The following DNAL1 variants were observed in gnomAD, a reference collection of about 807,000 sequenced individuals.
DNAL1 encodes the protein dynein axonemal light chain 1.
A neutral mutation model predicts 29.4 loss-of-function variants in DNAL1; 17 were observed. The ratio of observed to expected loss-of-function variants is 0.58; its 90% CI spans 0.40 to 0.87. The LOEUF is 0.87. Among genes scored for constraint, DNAL1 ranks in the 40% least tolerant of loss-of-function variants. DNAL1 has a pLI of 0.00. For missense variants in DNAL1, 188 were observed against 214.1 expected (o/e 0.88, Z 0.76); for synonymous variants, 78 against 76.3 (o/e 1.02, Z -0.12).
chr14:73,689,197 C>T (rs562098057), intron 6 of DNAL1, among the ~76,000 whole-genome samples, 178 bp from the exon 7 acceptor site: 4 of 152,062 alleles, frequency 2.6e-5, no homozygotes, highest in African/African-American at 9.6e-5. Context: ...CTATGCCTGG[C>T]TTATTTTTGT....
At chr14:73,654,759 AAAAT>A (rs1255399035) in intron 1 of DNAL1, 84 bp from the exon 2 acceptor site, 4 of 1,275,566 alleles carry the variant, frequency 3.1e-6, no homozygotes, top group Non-Finnish European at 4.2e-6. Context: ...ATTCTGTCTC[AAAAT>A]AAATACATAC....
rs1264864727 is a variant in DNAL1 at position 73,696,735 on chromosome 14, C to A, written c.*793C>A. Reference sequence around the variant, plus strand: ...AGCACACATTTTGGTTTTATAGTTCCTTATGTGTTTAAAGCATTAGTTATA... The same window carrying A: ...AGCACACATTTTGGTTTTATAGTTCATTATGTGTTTAAAGCATTAGTTATA... On this transcript the variant is annotated 3_prime_UTR_variant, in exon 8 of 8. Coordinates refer to ENST00000553645, the MANE Select transcript of DNAL1 (RefSeq NM_031427.4). 2 of 152,090 alleles carry A rather than the reference C, an allele frequency of 1.3e-5. No individual in the cohort carries two copies. Among genetic ancestry groups the A allele is most frequent in the Non-Finnish European group, 2.9e-5 (2 of 68,014 alleles). 9.4% of individuals were successfully genotyped at this position (152,090 alleles called of 1,614,324 possible).
chr14:73,690,058 A>G (rs1026879462), intron 7 of DNAL1, among the ~76,000 whole-genome samples: 1 of 151,362 alleles, frequency 6.6e-6, no homozygotes, highest in Non-Finnish European at 1.5e-5. Flanking sequence ...AAAAGAAAAG[A>G]AAAGAAAGCT....
At chr14:73,665,585 G>C (rs1250972701) in intron 4 of DNAL1, among the ~76,000 whole-genome samples, 1 of 152,146 alleles carries the variant, frequency 6.6e-6, no homozygotes, top group East Asian at 1.9e-4. Context: ...GAGGTCAGGA[G>C]TTTGAGATCA....
chr14:73,646,080 C>G (rs538739225), intron 1 of DNAL1, among the ~76,000 whole-genome samples: 1 of 152,308 alleles, frequency 6.6e-6, no homozygotes, highest in Admixed American at 6.5e-5. Flanking sequence ...TAGTTTCCCC[C>G]CTGCTTTCCT....
chr14:73,680,001 TTC>T (rs1891838855), intron 5 of DNAL1, among the ~76,000 whole-genome samples: 1 of 152,078 alleles, frequency 6.6e-6, no homozygotes, highest in Non-Finnish European at 1.5e-5. Context: ...GTCAGTTTCT[TTC>T]TGTTTGTTGT....
At chr14:73,681,633 A>AAAAAAATATATATAT (rs1555402645) in intron 5 of DNAL1, among the ~76,000 whole-genome samples, 2 of 35,424 alleles carry the variant, frequency 5.6e-5, no homozygotes, top group African/African-American at 4.3e-4. Context: ...AAAAAAAAAA[A>AAAAAAATATATATAT]ATATATATAT....
intron 6 of DNAL1, among the ~76,000 whole-genome samples, chr14:73,688,049 A>T (rs1253735903): frequency 1.3e-5 from 2 of 152,200 alleles, no homozygotes; most frequent in Non-Finnish European, 1.5e-5. Context: ...ACGTAATCTG[A>T]TAGGTCCTGG....
chr14:73,649,472 T>TG (rs1422363127), intron 1 of DNAL1, among the ~76,000 whole-genome samples: 1 of 147,694 alleles, frequency 6.8e-6, no homozygotes, highest in Non-Finnish European at 1.5e-5. Flanking sequence ...TTAGTAGAGA[T>TG]GGGGTTTCAC....
chr14:73,684,908 A>G (rs1891977676), intron 5 of DNAL1, among the ~76,000 whole-genome samples: 2 of 147,994 alleles, frequency 1.4e-5, no homozygotes, highest in Admixed American at 1.4e-4. Context: ...CTAAAAAACA[A>G]ACTAAAAAAA....
chr14:73,664,264 CAAT>C (rs1295092634), intron 4 of DNAL1, among the ~76,000 whole-genome samples: 2 of 152,166 alleles, frequency 1.3e-5, no homozygotes, highest in Non-Finnish European at 2.9e-5. Context: ...TCTTCTCCCT[CAAT>C]AGCCTCCTAA....
Position 73,697,338 on chromosome 14 carries a change from A to T in DNAL1, c.*1396A>T, listed in dbSNP as rs566175306. Reference sequence around the variant, plus strand: ...AGAATCATCTTTAAAAAGTGATTGCATAAGTAGTCCTGGGTTTCAGAAGAT... The same window carrying T: ...AGAATCATCTTTAAAAAGTGATTGCTTAAGTAGTCCTGGGTTTCAGAAGAT... On this transcript the variant is annotated 3_prime_UTR_variant, in exon 8 of 8. Transcript: ENST00000553645. 2 of 152,364 alleles carry T rather than the reference A, an allele frequency of 1.3e-5. No individual in the cohort carries two copies. Among genetic ancestry groups the T allele is most frequent in the South Asian group, 4.1e-4 (2 of 4,832 alleles). 9.4% of individuals were successfully genotyped at this position (152,364 alleles called of 1,614,324 possible). A position where few individuals can be genotyped will look rare whatever the true frequency, so the allele number is the denominator to read the frequency against.
intron 4 of DNAL1, among the ~76,000 whole-genome samples, chr14:73,669,027 CT>C (rs1222418096): frequency 1.3e-5 from 2 of 152,148 alleles, no homozygotes; most frequent in Non-Finnish European, 2.9e-5. Flanking sequence ...TCCAAATTGC[CT>C]CTTGTTACAA....
At chr14:73,667,100 T>C (rs1290208085) in intron 4 of DNAL1, among the ~76,000 whole-genome samples, 1 of 152,058 alleles carries the variant, frequency 6.6e-6, no homozygotes, top group Admixed American at 6.6e-5. Context: ...CATTGGGTGA[T>C]ATTTCCACGG....
chr14:73,688,948 G>T (rs554459240), intron 6 of DNAL1, among the ~76,000 whole-genome samples: 1 of 150,752 alleles, frequency 6.6e-6, no homozygotes, highest in Admixed American at 6.6e-5. Context: ...TTAAACAACT[G>T]ATTGTCATGA....
intron 5 of DNAL1, among the ~76,000 whole-genome samples, chr14:73,682,730 C>T (rs2140054072): frequency 6.6e-6 from 1 of 152,152 alleles, no homozygotes; most frequent in South Asian, 2.1e-4. Context: ...GTCAATATCA[C>T]TGTCTTCCAC....
At chr14:73,662,123 G>T (rs1410675378) in intron 4 of DNAL1, 81 bp downstream of exon 4, 7 of 1,224,752 alleles carry the variant, frequency 5.7e-6, no homozygotes, top group Non-Finnish European at 7.0e-6. Flanking sequence ...TGTAATTCCA[G>T]AAGCTGGCAC....
chr14:73,659,058 TA>T, intron 3 of DNAL1, 102 bp downstream of exon 3: 1 of 859,240 alleles, frequency 1.2e-6, no homozygotes, highest in Non-Finnish European at 1.7e-6. Flanking sequence ...GGTCTTCATT[TA>T]TTTTTTGTTT....
In DNAL1 at chr14:73,673,368, C is replaced by T. The variant is rs530575808; in HGVS notation, c.264+1771C>T. Among the ~76,000 whole-genome samples the T allele has an allele frequency of 2.6e-5, 4 of 152,156 alleles. No homozygotes were observed. In the East Asian group the frequency reaches 7.7e-4, roughly 29 times the overall value. Reference sequence around the variant, plus strand: ...CCCAAATTCTCAAGTATTACTATAGCATGTAATTTATTCCATAAAATGTAA... The same window carrying T: ...CCCAAATTCTCAAGTATTACTATAGTATGTAATTTATTCCATAAAATGTAA... On this transcript the variant is annotated intron_variant, in intron 5 of 7. Coordinates refer to ENST00000553645, the MANE Select transcript of DNAL1 (RefSeq NM_031427.4).
Sources: allele counts gnomAD v4.1 joint callset (sites outside exome capture counted in the v4.1 genomes callset), GRCh38; gene constraint gnomAD v4.1.1; transcripts MANE v1.5; gene names NCBI Gene and HGNC (gene_info 2026-07-23, HGNC 2026-07-21).